The following CRACDL variants were observed in gnomAD, a reference collection of about 807,000 sequenced individuals.
CRACDL encodes CRACD-like protein.
A neutral mutation model predicts 70.6 loss-of-function variants in CRACDL; 26 were observed. The observed-to-expected ratio is 0.37, with a 90% confidence interval of 0.27 to 0.51. The LOEUF (loss-of-function observed/expected upper bound fraction) is 0.51. Ranked by LOEUF, CRACDL falls within the 20% of genes least tolerant of loss-of-function variation. The probability of loss-of-function intolerance (pLI) is 0.94; values close to 1 mark genes in which losing one functional copy is unlikely to be tolerated. For missense variants in CRACDL, 1,283 were observed against 1,376.9 expected (o/e 0.93, Z 1.08); for synonymous variants, 618 against 615.2 (o/e 1.00, Z -0.07).
intron 1 of CRACDL, among the ~76,000 whole-genome samples, chr2:98,927,334 G>C (rs1031897469): frequency 6.6e-6 from 1 of 152,234 alleles, no homozygotes; most frequent in Non-Finnish European, 1.5e-5. Context: ...GTCACTCTGC[G>C]GTGGTTCCTG....
At chr2:98,861,035 C>T (rs868486355) in intron 1 of CRACDL, among the ~76,000 whole-genome samples, 1 of 152,160 alleles carries the variant, frequency 6.6e-6, no homozygotes, top group Admixed American at 6.5e-5. Context: ...AGATGCTCAA[C>T]CCTCTTAGTC....
chr2:98,865,798 C>CT (rs1157009185), intron 1 of CRACDL, among the ~76,000 whole-genome samples: 2,082 of 134,396 alleles, frequency 0.015, 36 homozygotes, highest in African/African-American at 0.036. Flanking sequence ...GGACTTTCTG[C>CT]TTTTTTTTTT....
chr2:98,878,291 G>A (rs1201065517), intron 1 of CRACDL, among the ~76,000 whole-genome samples: 1 of 152,082 alleles, frequency 6.6e-6, no homozygotes, highest in Admixed American at 6.6e-5. Flanking sequence ...CCTTTTCTAT[G>A]TTTAGATATG....
intron 1 of CRACDL, among the ~76,000 whole-genome samples, chr2:98,898,611 C>T (rs1708188675): frequency 1.3e-5 from 2 of 152,178 alleles, no homozygotes; most frequent in African/African-American, 4.8e-5. Flanking sequence ...TGCCCAGACC[C>T]ACAGCATCTG....
chr2:98,822,448 T>C lies in CRACDL; in HGVS notation c.1825A>G (p.Ser609Gly). ...TGGAGGTCGTCAAGAGCCGCCTCGCTCCTCCAGACCGGGCCGCTCCTCGCG... is the reference window on the plus strand; with the variant it reads ...TGGAGGTCGTCAAGAGCCGCCTCGCCCCTCCAGACCGGGCCGCTCCTCGCG... ...PLARSGPVWRSEAALDDLQGL... is the reference protein window; with the variant it reads ...PLARSGPVWRGEAALDDLQGL... The change falls in exon 7 of 10, where the codon AGC becomes GGC. Residue 609 changes from serine (S) to glycine (G), a missense_variant. Around this residue, in one of 2 missense-constraint regions of CRACDL, gnomAD observed 921 missense variants for 881.9 expected, o/e 1.04. Transcript: ENST00000397899. This position sits in a 1 kb window ranked among gnomAD's most constrained non-coding sequence, Gnocchi z 4.9. The C allele has an allele frequency of 6.7e-7, 1 of 1,482,488 alleles. No homozygotes were observed. Among genetic ancestry groups the C allele is most frequent in the South Asian group, 1.3e-5 (1 of 78,924 alleles). 91.8% of individuals were successfully genotyped at this position (1,482,488 alleles called of 1,614,324 possible). A position where few individuals can be genotyped will look rare whatever the true frequency, so the allele number is the denominator to read the frequency against.
intron 1 of CRACDL, among the ~76,000 whole-genome samples, chr2:98,848,869 G>A (rs1277537018): frequency 4.6e-5 from 7 of 152,232 alleles, no homozygotes; most frequent in Non-Finnish European, 1.0e-4. Context: ...GATTACAGGT[G>A]TAAGCCACTG....
chr2:98,837,991 C>T (rs565849642), intron 3 of CRACDL, 128 bp downstream of exon 3: 194 of 746,058 alleles, frequency 2.6e-4, no homozygotes, highest in Non-Finnish European at 3.6e-4. Context: ...GAAAACACAA[C>T]TTCTATGGAA....
At chr2:98,894,625 G>A (rs1420762482) in intron 1 of CRACDL, among the ~76,000 whole-genome samples, 2 of 152,192 alleles carry the variant, frequency 1.3e-5, no homozygotes, top group African/African-American at 4.8e-5. Context: ...TGTGGGGAAA[G>A]AAGCTCTGAG....
chr2:98,808,626 G>C (rs573874809), intron 7 of CRACDL, among the ~76,000 whole-genome samples: 1 of 152,240 alleles, frequency 6.6e-6, no homozygotes, highest in Admixed American at 6.5e-5. Flanking sequence ...TCTACCCCCA[G>C]GGCTGCCCAT....
At chr2:98,889,971 A>G (rs976348289) in intron 1 of CRACDL, among the ~76,000 whole-genome samples, 12 of 152,152 alleles carry the variant, frequency 7.9e-5, no homozygotes, top group Admixed American at 7.2e-4. Flanking sequence ...TAAAAACAAA[A>G]CCACCACATA....
intron 1 of CRACDL, among the ~76,000 whole-genome samples, chr2:98,870,738 G>A (rs566561258): frequency 5.0e-4 from 76 of 152,284 alleles, no homozygotes; most frequent in African/African-American, 1.8e-3. Context: ...TCGGTGGGCC[G>A]GGTTGAGCAT....
rs112125341 is a variant in CRACDL at position 98,930,288 on chromosome 2, G to A, written c.-11+5650C>T. ...GATGCTTTCCAGCTACCACATCTCC[G>A]TCCCCACCCTCTGTACCGTGTCCCC... On this transcript the variant is annotated intron_variant, in intron 1 of 9. Coordinates refer to ENST00000397899, the MANE Select transcript of CRACDL (RefSeq NM_207362.3). Among the ~76,000 whole-genome samples, 827 of 132,718 alleles carry A rather than the reference G, an allele frequency of 6.2e-3. 8 individuals carry two copies. The highest frequency in any genetic ancestry group is 0.024 in the African/African-American group (791 of 33,476). The allele number at this position is 132,718 out of a possible 152,430, so 87.1% of individuals were successfully genotyped here.
intron 1 of CRACDL, among the ~76,000 whole-genome samples, chr2:98,904,472 C>G (rs773137351): frequency 6.6e-6 from 1 of 152,224 alleles, no homozygotes; most frequent in Admixed American, 6.5e-5. Flanking sequence ...GGGAAACCCA[C>G]GTGATTGTTC....
intron 7 of CRACDL, among the ~76,000 whole-genome samples, chr2:98,815,957 C>T (rs545255782): frequency 3.9e-5 from 6 of 152,168 alleles, no homozygotes; most frequent in South Asian, 2.1e-4. Flanking sequence ...GGGATGCTGC[C>T]GCCAAGAGGG....
intron 5 of CRACDL, among the ~76,000 whole-genome samples, chr2:98,828,256 G>C (rs1224173070): frequency 6.6e-6 from 1 of 152,218 alleles, no homozygotes; most frequent in African/African-American, 2.4e-5. Flanking sequence ...CAGATGAGGG[G>C]CGAGGTGCAC....
At chr2:98,843,961 A>C (rs1457988694) in intron 2 of CRACDL, among the ~76,000 whole-genome samples, 3 of 151,938 alleles carry the variant, frequency 2.0e-5, no homozygotes, top group Non-Finnish European at 4.4e-5. Flanking sequence ...GGGTTATTTC[A>C]AAAAAAATCA....
chr2:98,844,534 T>G (rs1171193683), intron 2 of CRACDL, among the ~76,000 whole-genome samples: 1 of 152,192 alleles, frequency 6.6e-6, no homozygotes, highest in Non-Finnish European at 1.5e-5. Flanking sequence ...CAATATGATC[T>G]CATCTTAACA....
chr2:98,823,807 G>A lies in CRACDL; in HGVS notation c.736-270C>T, dbSNP rs1172404031. Among the ~76,000 whole-genome samples, 1 of 152,230 alleles carries A rather than the reference G, an allele frequency of 6.6e-6. No individual in the cohort carries two copies. Among genetic ancestry groups the A allele is most frequent in the Non-Finnish European group, 1.5e-5 (1 of 68,048 alleles). On this transcript the variant is annotated intron_variant, in intron 6 of 9. Transcript: ENST00000397899. The surrounding 1 kb of genome is among the most constrained non-coding windows in gnomAD (Gnocchi z 4.0). ...AGAGCCTCAAAACCAGTGGACTAGA[G>A]TAACGCCAAGGGAAGGCGACCAACA...
At chr2:98,808,256 G>A (rs1055600025) in intron 7 of CRACDL, among the ~76,000 whole-genome samples, 1 of 152,134 alleles carries the variant, frequency 6.6e-6, no homozygotes, top group Non-Finnish European at 1.5e-5. Flanking sequence ...GAGAAGCGCC[G>A]CTGTCCTAGA....
Sources: allele counts gnomAD v4.1 joint callset (sites outside exome capture counted in the v4.1 genomes callset), GRCh38; gene constraint gnomAD v4.1.1; regional missense constraint gnomAD v4.1.1; non-coding constraint Gnocchi (gnomAD v3.1); transcripts MANE v1.5; gene names NCBI Gene and HGNC (gene_info 2026-07-23, HGNC 2026-07-21).